MEF2A: variants seen among roughly 807,000 people sequenced by gnomAD.
The protein encoded by MEF2A is myocyte enhancer factor 2A.
In MEF2A, 28 loss-of-function variants were observed where a neutral mutation model predicts 55.8. The observed-to-expected ratio is 0.50, with a 90% CI of 0.37 to 0.69. The LOEUF (loss-of-function observed/expected upper bound fraction) is 0.69, where lower values mean the gene tolerates loss of function less well. Among genes scored for constraint, MEF2A ranks in the 30% least tolerant of loss-of-function variants. MEF2A has a pLI of 0.00. For missense variants in MEF2A, 528 were observed against 626.2 expected, an observed-to-expected ratio of 0.84 and a Z score of 1.67; for synonymous variants, 239 against 227.1, an observed-to-expected ratio of 1.05 and a Z score of -0.47.
chr15:99,664,380 C>T (rs1477421312), intron 4 of MEF2A, among the ~76,000 whole-genome samples: 3 of 152,196 alleles, frequency 2.0e-5, no homozygotes, highest in Non-Finnish European at 4.4e-5. Context: ...ATATTAAGGG[C>T]TCCATGGTCT....
intron 7 of MEF2A, among the ~76,000 whole-genome samples, chr15:99,684,959 T>C (rs7170276): frequency 0.95 from 145,022 of 152,272 alleles, 69,456 homozygotes; most frequent in East Asian, 1. Flanking sequence ...GTCTTTTCCC[T>C]ACTTTATGTT....
intron 7 of MEF2A, among the ~76,000 whole-genome samples, chr15:99,675,745 A>G (rs2051863922): frequency 6.6e-6 from 1 of 152,204 alleles, no homozygotes; most frequent in African/African-American, 2.4e-5. Flanking sequence ...GATAATTAAC[A>G]TATTTGTCTT....
chr15:99,575,310 T>G (rs755167279), intron 1 of MEF2A, among the ~76,000 whole-genome samples: 3 of 152,186 alleles, frequency 2.0e-5, no homozygotes, highest in Non-Finnish European at 2.9e-5. Context: ...TTTAATTATA[T>G]CCCTTGTATT....
Position 99,714,452 on chromosome 15 carries a change from A to T in MEF2A, c.*1681A>T, listed in dbSNP as rs917280383. On this transcript the variant is annotated 3_prime_UTR_variant, in exon 12 of 12. Transcript: ENST00000557942. ...ACGATGCAGCTGGTTACAAAATCCT[A>T]CCGTTATCAGCTCTTCTGCACATTG... is the stretch of plus-strand genomic sequence containing the variant. The T allele has an allele frequency of 6.6e-6, 1 of 152,146 alleles. No individual in the cohort carries two copies. Among genetic ancestry groups the T allele is most frequent in the Non-Finnish European group, 1.5e-5 (1 of 68,030 alleles). The allele number at this position is 152,146 out of a possible 1,614,324, so 9.4% of individuals were successfully genotyped here. A position where few individuals can be genotyped will look rare whatever the true frequency, so the allele number is the denominator to read the frequency against.
chr15:99,687,084 CTTTTTT>C (rs71149484), intron 7 of MEF2A, among the ~76,000 whole-genome samples: 407 of 67,704 alleles, frequency 6.0e-3, no homozygotes, highest in South Asian at 0.013. Flanking sequence ...ATTAATTTTT[CTTTTTT>C]TTTTTTTTTT....
chr15:99,656,991 A>G (rs1178422969), intron 4 of MEF2A, among the ~76,000 whole-genome samples: 2 of 152,006 alleles, frequency 1.3e-5, no homozygotes, highest in African/African-American at 4.8e-5. Flanking sequence ...CCTGGCAACC[A>G]CTAATGTACT....
intron 2 of MEF2A, among the ~76,000 whole-genome samples, chr15:99,622,976 A>G (rs2041479259): frequency 6.6e-6 from 1 of 152,014 alleles, no homozygotes; most frequent in Non-Finnish European, 1.5e-5. Flanking sequence ...TTGGGATTAC[A>G]GGCGTGAGCC....
intron 3 of MEF2A, among the ~76,000 whole-genome samples, chr15:99,643,097 A>G (rs1182194687): frequency 6.6e-6 from 1 of 152,206 alleles, no homozygotes; most frequent in Non-Finnish European, 1.5e-5. Context: ...ATATTGTCTT[A>G]GAATAATAAA....
At chr15:99,585,792 T>C (rs1305260850) in intron 1 of MEF2A, among the ~76,000 whole-genome samples, 1 of 152,240 alleles carries the variant, frequency 6.6e-6, no homozygotes, top group East Asian at 1.9e-4. Flanking sequence ...CTGATTGTTC[T>C]TGGTGTTAAC....
chr15:99,587,836 G>GT lies in MEF2A; in HGVS notation c.-224-10585dup, dbSNP rs200357036. Among the ~76,000 whole-genome samples the GT allele has an allele frequency of 4.1e-3, 614 of 151,224 alleles. 5 individuals are homozygous for GT. The highest frequency in any genetic ancestry group is 0.014 in the African/African-American group (562 of 41,286). On this transcript the variant is annotated intron_variant, in intron 1 of 11. Transcript: ENST00000557942. ...TCTTAGTTCCAGTTACTTTATTGTAGTTTTTTTTTGTTTTTTACTGTGTGT... is the reference window on the plus strand; with the variant it reads ...TCTTAGTTCCAGTTACTTTATTGTAGTTTTTTTTTTGTTTTTTACTGTGTGT...
rs1332716284 is a variant in MEF2A, at chr15:99,716,134, C to A, written c.*3363C>A. ...ACTTCTATTTCTCTGTAGAAACTTT[C>A]TTCACTTTGCTGTGCAAGAAGACAC... On this transcript the variant is annotated 3_prime_UTR_variant, in exon 12 of 12. Coordinates refer to ENST00000557942, the MANE Select transcript of MEF2A (RefSeq NM_001319206.4). 1 of 157,610 alleles carries A rather than the reference C, an allele frequency of 6.3e-6. No individual in the cohort carries two copies. Among genetic ancestry groups the A allele is most frequent in the African/African-American group, 2.4e-5 (1 of 41,508 alleles). The allele number at this position is 157,610 out of a possible 1,614,324, so 9.8% of individuals were successfully genotyped here.
chr15:99,677,394 T>TA (rs1464456786), intron 7 of MEF2A, among the ~76,000 whole-genome samples: 2 of 152,002 alleles, frequency 1.3e-5, no homozygotes, highest in African/African-American at 2.4e-5. Context: ...GAAATTTATT[T>TA]AAAAAATGGA....
chr15:99,574,149 T>TA (rs1385139521), intron 1 of MEF2A, among the ~76,000 whole-genome samples: 2 of 152,230 alleles, frequency 1.3e-5, no homozygotes, highest in Non-Finnish European at 2.9e-5. Context: ...CACCAGTTGT[T>TA]ACCATGTACC....
At chr15:99,600,784 T>A (rs978997593) in intron 2 of MEF2A, among the ~76,000 whole-genome samples, 11 of 152,202 alleles carry the variant, frequency 7.2e-5, no homozygotes, top group African/African-American at 2.7e-4. Flanking sequence ...TTCACTGTCT[T>A]GATTACTGAA....
intron 2 of MEF2A, among the ~76,000 whole-genome samples, chr15:99,616,955 G>A (rs760538812): frequency 2.6e-5 from 4 of 152,152 alleles, no homozygotes; most frequent in Non-Finnish European, 4.4e-5. Context: ...CTTATAAGGT[G>A]CTTTTGATTT....
At chr15:99,648,167 G>T (rs2046285192) in intron 4 of MEF2A, among the ~76,000 whole-genome samples, 1 of 152,124 alleles carries the variant, frequency 6.6e-6, no homozygotes. Flanking sequence ...CCTCATTGAA[G>T]GATATTTTTG....
chr15:99,634,622 T>G (rs867085025), intron 3 of MEF2A, among the ~76,000 whole-genome samples: 9 of 152,212 alleles, frequency 5.9e-5, no homozygotes, highest in Non-Finnish European at 8.8e-5. Context: ...ATAGCTAAAC[T>G]GGACCTACCT....
intron 4 of MEF2A, among the ~76,000 whole-genome samples, chr15:99,663,788 G>C (rs2049086761): frequency 6.6e-6 from 1 of 152,096 alleles, no homozygotes; most frequent in African/African-American, 2.4e-5. Context: ...AGTTTATACA[G>C]TATTGTTTTT....
intron 1 of MEF2A, among the ~76,000 whole-genome samples, chr15:99,585,788 G>A (rs1967026196): frequency 1.3e-5 from 2 of 152,150 alleles, no homozygotes; most frequent in Non-Finnish European, 2.9e-5. Context: ...AATGCTGATT[G>A]TTCTTGGTGT....
Sources: allele counts gnomAD v4.1 joint callset (sites outside exome capture counted in the v4.1 genomes callset), GRCh38; gene constraint gnomAD v4.1.1; transcripts MANE v1.5; gene names NCBI Gene and HGNC (gene_info 2026-07-23, HGNC 2026-07-21).